The following HSD17B4 variants were observed in gnomAD, a reference collection of about 807,000 sequenced individuals.
HSD17B4 encodes hydroxysteroid 17-beta dehydrogenase 4, also known as peroxisomal multifunctional enzyme type 2.
In HSD17B4, 70 loss-of-function variants were observed where a neutral mutation model predicts 101.0. The ratio of observed to expected loss-of-function variants is 0.69; its 90% CI spans 0.57 to 0.85. HSD17B4 has a LOEUF of 0.85. Ranked by LOEUF, HSD17B4 falls within the 40% of genes least tolerant of loss-of-function variation. HSD17B4 has a pLI of 0.00. For synonymous variants in HSD17B4, 347 were observed against 297.1 expected (o/e 1.17, Z -1.73); for missense variants, 984 against 892.4 (o/e 1.10, Z -1.31).
intron 13 of HSD17B4, among the ~76,000 whole-genome samples, chr5:119,501,314 CT>C (rs764991546): frequency 9.9e-4 from 142 of 142,748 alleles, no homozygotes; most frequent in Non-Finnish European, 1.3e-3. Context: ...CTTCTTCTTC[CT>C]TTTTTTTTTT....
rs368915056 is a variant in HSD17B4, at chr5:119,531,345, A to C, written c.1934A>C (p.Lys645Thr). 5.0e-6 allele frequency: 8 copies of C among 1,613,604 alleles called. No individual in the cohort carries two copies. Among genetic ancestry groups the C allele is most frequent in the Non-Finnish European group, 6.8e-6 (8 of 1,179,728 alleles). The change falls in exon 22 of 24, where the codon AAA (lysine) becomes ACA (threonine). Residue 645 changes from lysine to threonine, a missense_variant. Lys to Thr is a moderately conservative substitution (Grantham distance 78). Coordinates refer to ENST00000510025, the MANE Select transcript of HSD17B4 (RefSeq NM_000414.4). ...GATATTGGGCCTGAGGTGGTGAAGAAAGTAAATGCTGTATTTGAGTGGCAT... is the reference window on the plus strand; with the variant it reads ...GATATTGGGCCTGAGGTGGTGAAGACAGTAAATGCTGTATTTGAGTGGCAT... Reference protein sequence around the residue: ...LKDIGPEVVKKVNAVFEWHIT... With the variant: ...LKDIGPEVVKTVNAVFEWHIT...
intron 5 of HSD17B4, 36 bp downstream of exon 5, chr5:119,475,763 A>T: frequency 1.9e-6 from 3 of 1,585,530 alleles, no homozygotes; most frequent in Non-Finnish European, 8.7e-7. Flanking sequence ...TGATGTGTGT[A>T]TAATTTTTTT....
At chr5:119,456,097 G>A (rs1011576018) in intron 1 of HSD17B4, among the ~76,000 whole-genome samples, 1 of 152,192 alleles carries the variant, frequency 6.6e-6, no homozygotes, top group African/African-American at 2.4e-5. Context: ...GTAGGAAGTG[G>A]TAGTAGAATA....
At chr5:119,534,108 A>G (rs1754347274) in intron 22 of HSD17B4, among the ~76,000 whole-genome samples, 1 of 152,046 alleles carries the variant, frequency 6.6e-6, no homozygotes, top group Non-Finnish European at 1.5e-5. Context: ...CTTTAGGATG[A>G]TAGGTTTAAG....
At chr5:119,500,402 A>G (rs1271874267) in intron 13 of HSD17B4, among the ~76,000 whole-genome samples, 1 of 152,070 alleles carries the variant, frequency 6.6e-6, no homozygotes, top group Non-Finnish European at 1.5e-5. Flanking sequence ...ATGTATAATT[A>G]TGTATAGTGT....
At chr5:119,462,423 A>G (rs1283355620) in intron 2 of HSD17B4, among the ~76,000 whole-genome samples, 2 of 151,828 alleles carry the variant, frequency 1.3e-5, no homozygotes, top group African/African-American at 2.4e-5. Flanking sequence ...TGGTAGGATA[A>G]TCTTTTCCAA....
intron 2 of HSD17B4, among the ~76,000 whole-genome samples, chr5:119,459,962 C>T (rs1237256936): frequency 1.3e-5 from 2 of 151,794 alleles, no homozygotes; most frequent in African/African-American, 4.8e-5. Context: ...GCTCCACCTC[C>T]CGGGTTCACG....
At chr5:119,485,727 G>C (rs141596838) in intron 8 of HSD17B4, among the ~76,000 whole-genome samples, 266 of 152,142 alleles carry the variant, frequency 1.7e-3, no homozygotes, top group African/African-American at 6.2e-3. Context: ...CACTTGATAC[G>C]TGAAAAATAA....
intron 20 of HSD17B4, 31 bp downstream of exon 20, chr5:119,527,250 A>T (rs745966126): frequency 1.7e-6 from 2 of 1,172,500 alleles, no homozygotes; most frequent in East Asian, 4.7e-5. Context: ...CCCTTCTCAC[A>T]TGCTTTATCA....
rs898423234 is a variant in HSD17B4 at position 119,474,609 on chromosome 5, T to C, written c.280+149T>C. 7.3e-6 allele frequency: 5 copies of C among 681,478 alleles called. No homozygotes were observed. In the African/African-American group the frequency reaches 9.1e-5, roughly 12 times the overall value. 42.2% of individuals were successfully genotyped at this position (681,478 alleles called of 1,614,324 possible). A position where few individuals can be genotyped will look rare whatever the true frequency, so the allele number is the denominator to read the frequency against. ...ATTTATAAGTTAATTATTGTACTTA[T>C]TTCATAAAGGGTTTAATTGAGGTGG... On this transcript the variant is annotated intron_variant, in intron 4 of 23. Coordinates refer to ENST00000510025, the MANE Select transcript of HSD17B4 (RefSeq NM_000414.4).
At chr5:119,503,738 T>C (rs564381819) in intron 14 of HSD17B4, among the ~76,000 whole-genome samples, 1 of 146,552 alleles carries the variant, frequency 6.8e-6, no homozygotes, top group Non-Finnish European at 1.5e-5. Context: ...CTTTCTTTTC[T>C]GTCTGTTTTT....
Position 119,506,886 on chromosome 5 carries a change from G to T in HSD17B4, c.1330G>T (p.Asp444Tyr), listed in dbSNP as rs1364957049. The T allele has an allele frequency of 1.4e-6, 2 of 1,477,038 alleles. No individual in the cohort carries two copies. Among genetic ancestry groups the T allele is most frequent in the Non-Finnish European group, 1.9e-6 (2 of 1,056,718 alleles). 91.5% of individuals were successfully genotyped at this position (1,477,038 alleles called of 1,614,324 possible). ...AGGATCCGGTGTAGTGATTATTATG[G>T]ATGGTAATTTATTTACAATTCTTAT... ...DKGSGVVIIM[D>Y]VYSYSEKELI... The change falls in exon 15 of 24, where the codon GAT becomes TAT. Residue 444 changes from aspartate (D) to tyrosine (Y), a missense_variant. Physicochemically the swap from Asp to Tyr is radical, Grantham distance 160. Transcript: ENST00000510025.
At chr5:119,521,100 T>C (rs1371428101) in intron 17 of HSD17B4, among the ~76,000 whole-genome samples, 1 of 152,248 alleles carries the variant, frequency 6.6e-6, no homozygotes, top group Non-Finnish European at 1.5e-5. Flanking sequence ...CAAGAACGGC[T>C]CCTGTGTATA....
chr5:119,531,316 A>C lies in HSD17B4; in HGVS notation c.1905A>C (p.Leu635=). The C allele has an allele frequency of 6.2e-7, 1 of 1,613,542 alleles. No individual in the cohort carries two copies. Among genetic ancestry groups the C allele is most frequent in the Non-Finnish European group, 8.5e-7 (1 of 1,179,594 alleles). The change falls in exon 22 of 24, where the codon CTA becomes CTC. Residue 635 remains leucine, a synonymous_variant. Coordinates refer to ENST00000510025, the MANE Select transcript of HSD17B4 (RefSeq NM_000414.4). Reference sequence around the variant, plus strand: ...TATTTGAGGAAATAGGACGCCGCCTAAAGGATATTGGGCCTGAGGTGGTGA... The same window carrying C: ...TATTTGAGGAAATAGGACGCCGCCTCAAGGATATTGGGCCTGAGGTGGTGA... ...TFVFEEIGRR[L]KDIGPEVVKK... is the part of the protein sequence containing the mutation.
intron 8 of HSD17B4, among the ~76,000 whole-genome samples, chr5:119,487,050 G>A (rs1042323957): frequency 2.0e-5 from 3 of 152,022 alleles, no homozygotes; most frequent in African/African-American, 7.2e-5. Context: ...TGATTACCAG[G>A]AAGCATAGCC....
chr5:119,468,350 CT>C (rs1276290728), intron 2 of HSD17B4, among the ~76,000 whole-genome samples: 1 of 150,818 alleles, frequency 6.6e-6, no homozygotes, highest in African/African-American at 2.4e-5. Flanking sequence ...GACTTTGTTT[CT>C]CCTTTATTTC....
chr5:119,501,349 A>G (rs1751146896), intron 13 of HSD17B4, among the ~76,000 whole-genome samples: 2 of 146,534 alleles, frequency 1.4e-5, no homozygotes, highest in East Asian at 2.0e-4. Flanking sequence ...TTGGGTTCTG[A>G]GGAAGACTGG....
intron 6 of HSD17B4, chr5:119,476,634 A>C (rs908142431): frequency 2.0e-6 from 2 of 985,154 alleles, no homozygotes; most frequent in African/African-American, 3.5e-5. Flanking sequence ...CCCTTGTAAC[A>C]ACTGGGGTAA....
At chr5:119,470,179 T>A (rs1756220875) in intron 2 of HSD17B4, among the ~76,000 whole-genome samples, 1 of 152,000 alleles carries the variant, frequency 6.6e-6, no homozygotes, top group Non-Finnish European at 1.5e-5. Flanking sequence ...GCGTCCCCAT[T>A]GTACTTGAAT....
Sources: gnomAD v4.1 joint callset for allele counts (sites outside exome capture counted in the v4.1 genomes callset) on GRCh38, gnomAD v4.1.1 for gene constraint, MANE v1.5 for transcripts, NCBI Gene and HGNC (gene_info 2026-07-23, HGNC 2026-07-21) for gene names.